The following GTF3C6 variants were observed in gnomAD, a reference collection of about 807,000 sequenced individuals.
GTF3C6 encodes the protein general transcription factor IIIC subunit 6, also known as general transcription factor 3C polypeptide 6.
A neutral mutation model predicts 19.2 loss-of-function variants in GTF3C6; 11 were observed. The ratio of observed to expected loss-of-function variants is 0.57; its 90% CI spans 0.36 to 0.95. The LOEUF is 0.95. Among genes scored for constraint, GTF3C6 ranks in the 40% least tolerant of loss-of-function variants. The pLI is 0.01. For synonymous variants in GTF3C6, 87 were observed against 84.2 expected (o/e 1.03, Z -0.18); for missense variants, 222 against 254.7 (o/e 0.87, Z 0.87).
intron 4 of GTF3C6, among the ~76,000 whole-genome samples, chr6:110,961,788 A>C (rs1488740991): frequency 6.6e-6 from 1 of 152,136 alleles, no homozygotes; most frequent in Non-Finnish European, 1.5e-5. Context: ...CCCAATTTCC[A>C]TTTCAAGGAT....
At chr6:110,962,988 A>G (rs1295389194) in intron 5 of GTF3C6, among the ~76,000 whole-genome samples, 1 of 152,154 alleles carries the variant, frequency 6.6e-6, no homozygotes, top group Non-Finnish European at 1.5e-5. Flanking sequence ...AGTGTTGGCC[A>G]GGATGCTCTC....
intron 4 of GTF3C6, among the ~76,000 whole-genome samples, 174 bp from the exon 5 acceptor site, chr6:110,962,218 A>T (rs978620452): frequency 1.3e-5 from 2 of 151,986 alleles, no homozygotes; most frequent in Non-Finnish European, 2.9e-5. Context: ...AATGTATTTT[A>T]TCTATCATTT....
intron 5 of GTF3C6, among the ~76,000 whole-genome samples, chr6:110,962,977 C>G (rs1352749726): frequency 6.6e-6 from 1 of 152,116 alleles, no homozygotes; most frequent in Non-Finnish European, 1.5e-5. Flanking sequence ...CGGGGTTTTA[C>G]AGTGTTGGCC....
Position 110,958,834 on chromosome 6 carries a change from G to A in GTF3C6, c.57+8G>A. ...GAAGACGAGGAAGAGGAGGTAGTAA[G>A]CGCTACGCCAAAAGCCTGCACCGCA... On this transcript the variant is annotated splice_region_variant and intron_variant, in intron 1 of 5. Coordinates refer to ENST00000329970, the MANE Select transcript of GTF3C6 (RefSeq NM_138408.4). The A allele has an allele frequency of 6.4e-7, 1 of 1,551,074 alleles. No homozygotes were observed. The highest frequency in any genetic ancestry group is 8.7e-7 in the Non-Finnish European group (1 of 1,146,866).
intron 5 of GTF3C6, among the ~76,000 whole-genome samples, chr6:110,966,532 A>T (rs1214882583): frequency 1.3e-5 from 2 of 152,152 alleles, no homozygotes; most frequent in Non-Finnish European, 2.9e-5. Context: ...TCAGTATGGG[A>T]CAGGACTACA....
Position 110,959,964 on chromosome 6 carries a change from A to T in GTF3C6, c.139-450A>T, listed in dbSNP as rs377551644. Among the ~76,000 whole-genome samples the T allele has an allele frequency of 0.042, 5,799 of 137,878 alleles. 522 individuals are homozygous for T. The East Asian group carries it at 0.44, about 10-fold the overall frequency. 90.5% of individuals were successfully genotyped at this position (137,878 alleles called of 152,430 possible). On this transcript the variant is annotated intron_variant, in intron 2 of 5. Transcript: ENST00000329970. ...AAAGGGCAAAACTCCATCTCAATAA[A>T]AAAAAAAAATAATAATAATAATAAA...
chr6:110,966,670 C>G (rs552178696), intron 5 of GTF3C6, among the ~76,000 whole-genome samples: 7 of 152,122 alleles, frequency 4.6e-5, no homozygotes, highest in African/African-American at 1.7e-4. Flanking sequence ...TAGGAACTTG[C>G]ATTCTAAAGT....
rs774427814 is a variant in GTF3C6 at position 110,960,577 on chromosome 6, C to G, written c.208C>G (p.Leu70Val). ...CVFAGEYEDTLGTCVIFEENV... is the reference protein window; with the variant it reads ...CVFAGEYEDTVGTCVIFEENV... Reference sequence around the variant, plus strand: ...GCCTTTGTATTTTTCTGCAGACACTCTAGGGACCTGTGTTATATTTGAAGA... The same window carrying G: ...GCCTTTGTATTTTTCTGCAGACACTGTAGGGACCTGTGTTATATTTGAAGA... The change falls in exon 4 of 6, where the codon CTA becomes GTA. Residue 70 changes from leucine (L) to valine (V), a missense_variant. Leu to Val is a conservative substitution (Grantham distance 32). Coordinates refer to ENST00000329970, the MANE Select transcript of GTF3C6 (RefSeq NM_138408.4). 1 of 1,613,712 alleles carries G rather than the reference C, an allele frequency of 6.2e-7. No individual in the cohort carries two copies. Among genetic ancestry groups the G allele is most frequent in the Non-Finnish European group, 8.5e-7 (1 of 1,179,680 alleles).
intron 5 of GTF3C6, among the ~76,000 whole-genome samples, chr6:110,966,381 G>A (rs1385996013): frequency 1.3e-5 from 2 of 152,120 alleles, no homozygotes; most frequent in African/African-American, 4.8e-5. Flanking sequence ...GGAGGCTGAG[G>A]TGGGAGAATT....
chr6:110,958,981 G>C lies in GTF3C6; in HGVS notation c.57+155G>C, dbSNP rs183032468. On this transcript the variant is annotated intron_variant, in intron 1 of 5. Coordinates refer to ENST00000329970, the MANE Select transcript of GTF3C6 (RefSeq NM_138408.4). ...CTGGGCGCGAGGAGCCGGGCAGCTTGGGACCTTAGCCCTAATCGTCACCCC... is the reference window on the plus strand; with the variant it reads ...CTGGGCGCGAGGAGCCGGGCAGCTTCGGACCTTAGCCCTAATCGTCACCCC... 9.1e-5 allele frequency: 85 copies of C among 934,534 alleles called. No homozygotes were observed. In the African/African-American group the frequency reaches 1.2e-3, roughly 14 times the overall value. 57.9% of individuals were successfully genotyped at this position (934,534 alleles called of 1,614,324 possible).
At position 110,962,464 on chromosome 6, in the gene GTF3C6, G is replaced by C. The variant is rs1448585962; in HGVS notation, c.320G>C (p.Arg107Thr). ...ACAATGAAGAAGCTCAGCATGACAA[G>C]AACTCTCCTGACAGAGAAGAAGGAA... ...CHTMKKLSMT[R>T]TLLTEKKEGE... The change falls in exon 5 of 6, where the codon AGA (arginine) becomes ACA (threonine). Residue 107 changes from arginine to threonine, a missense_variant. Arg to Thr is a moderately conservative substitution (Grantham distance 71). Transcript: ENST00000329970. 1 of 1,611,226 alleles carries C rather than the reference G, an allele frequency of 6.2e-7. No individual in the cohort carries two copies. The highest frequency in any genetic ancestry group is 8.5e-7 in the Non-Finnish European group (1 of 1,177,424).
chr6:110,964,218 C>T (rs1030433213), intron 5 of GTF3C6, among the ~76,000 whole-genome samples: 3 of 151,360 alleles, frequency 2.0e-5, no homozygotes, highest in African/African-American at 4.9e-5. Context: ...CGTGTTCCAC[C>T]ATGCCTGGCT....
At chr6:110,966,076 G>A (rs1399191474) in intron 5 of GTF3C6, among the ~76,000 whole-genome samples, 3 of 152,184 alleles carry the variant, frequency 2.0e-5, no homozygotes, top group Non-Finnish European at 4.4e-5. Context: ...CTCCTCACAA[G>A]ACTGTTTGAA....
Position 110,967,462 on chromosome 6 carries a change from T to A in GTF3C6, c.362-48T>A, listed in dbSNP as rs139531098. Reference sequence around the variant, plus strand: ...AAATTAAAGAAAAATATACTAAAATTCATTTTTTGTTTCTTTTTTTGTTTA... The same window carrying A: ...AAATTAAAGAAAAATATACTAAAATACATTTTTTGTTTCTTTTTTTGTTTA... On this transcript the variant is annotated intron_variant, in intron 5 of 5. Transcript: ENST00000329970. 6 of 1,505,504 alleles carry A rather than the reference T, an allele frequency of 4.0e-6. No individual in the cohort carries two copies. The African/African-American group carries it at 5.6e-5, about 14-fold the overall frequency. 93.3% of individuals were successfully genotyped at this position (1,505,504 alleles called of 1,614,324 possible).
chr6:110,963,657 G>A (rs550127766), intron 5 of GTF3C6, among the ~76,000 whole-genome samples: 1 of 151,746 alleles, frequency 6.6e-6, no homozygotes, highest in South Asian at 2.1e-4. Flanking sequence ...GGAAACTTCT[G>A]GCAGCTGCAG....
At chr6:110,966,544 A>G (rs1771231481) in intron 5 of GTF3C6, among the ~76,000 whole-genome samples, 1 of 152,176 alleles carries the variant, frequency 6.6e-6, no homozygotes, top group Non-Finnish European at 1.5e-5. Flanking sequence ...AGGACTACAC[A>G]GGGGCATGAA....
At chr6:110,962,956 T>A (rs1171111244) in intron 5 of GTF3C6, among the ~76,000 whole-genome samples, 2 of 152,122 alleles carry the variant, frequency 1.3e-5, no homozygotes, top group African/African-American at 4.8e-5. Context: ...TTTTTGTATT[T>A]TTAGTATAGA....
chr6:110,960,661 A>C (rs760969318), intron 4 of GTF3C6, 45 bp downstream of exon 4: 3 of 1,402,748 alleles, frequency 2.1e-6, no homozygotes, highest in Non-Finnish European at 3.0e-6. Flanking sequence ...AACTATTTCA[A>C]TCATACTTAA....
chr6:110,966,290 A>G (rs1456012890), intron 5 of GTF3C6, among the ~76,000 whole-genome samples: 3 of 152,092 alleles, frequency 2.0e-5, no homozygotes, highest in African/African-American at 7.2e-5. Flanking sequence ...CCTGGCCAAT[A>G]TGGTGAGACC....
Sources: allele counts gnomAD v4.1 joint callset (sites outside exome capture counted in the v4.1 genomes callset), GRCh38; gene constraint gnomAD v4.1.1; transcripts MANE v1.5; gene names NCBI Gene and HGNC (gene_info 2026-07-23, HGNC 2026-07-21).